The following SRL variants were observed in gnomAD, a reference collection of about 807,000 sequenced individuals.
The protein encoded by SRL is sarcalumenin.
SRL carries 23 observed loss-of-function variants against 39.5 expected under a neutral mutation model. The ratio of observed to expected loss-of-function variants is 0.58; its 90% CI spans 0.42 to 0.82. SRL has a LOEUF of 0.82. SRL is among the 40% of genes least tolerant of loss of function. The probability of loss-of-function intolerance (pLI) is 0.00; values close to 1 mark genes in which losing one functional copy is unlikely to be tolerated. For synonymous variants in SRL, 272 were observed against 237.4 expected, an observed-to-expected ratio of 1.15 and a Z score of -1.34; for missense variants, 592 against 607.8, an observed-to-expected ratio of 0.97 and a Z score of 0.27.
intron 1 of SRL, chr16:4,206,885 C>T (rs1458191626): frequency 4.4e-6 from 2 of 456,716 alleles, no homozygotes; most frequent in South Asian, 1.5e-5. Context: ...CTGTGGCTTC[C>T]GGAAGCTCTG....
intron 1 of SRL, chr16:4,206,773 CG>C (rs2052324415): frequency 4.4e-6 from 2 of 456,738 alleles, no homozygotes; most frequent in Non-Finnish European, 8.8e-6. Flanking sequence ...TGTCCCTCCT[CG>C]GGCTCCTCTG....
At position 4,191,381 on chromosome 16, in the gene SRL, G is replaced by C. The variant is rs2052062058; in HGVS notation, c.*772C>G. 6.6e-6 allele frequency: 1 copy of C among 152,370 alleles called. No individual in the cohort carries two copies. Among genetic ancestry groups the C allele is most frequent in the African/African-American group, 2.4e-5 (1 of 41,462 alleles). 9.4% of individuals were successfully genotyped at this position (152,370 alleles called of 1,614,324 possible). A position where few individuals can be genotyped will look rare whatever the true frequency, so the allele number is the denominator to read the frequency against. ...TAATCCCAGCACTTTGGGAGGCCGA[G>C]GCGGGTGGATCACTTGAGGTCAGGA... On this transcript the variant is annotated 3_prime_UTR_variant, in exon 6 of 6. Transcript: ENST00000399609.
At chr16:4,205,382 C>G (rs1353035125) in intron 1 of SRL, among the ~76,000 whole-genome samples, 1 of 152,082 alleles carries the variant, frequency 6.6e-6, no homozygotes, top group Non-Finnish European at 1.5e-5. Context: ...TTGGCTTGAA[C>G]CCCAGCCTGG....
intron 1 of SRL, among the ~76,000 whole-genome samples, chr16:4,220,498 G>T (rs574184714): frequency 6.6e-6 from 1 of 151,824 alleles, no homozygotes; most frequent in African/African-American, 2.4e-5. Context: ...AGCCTTGCTA[G>T]AGCCTCTGAT....
chr16:4,234,292 C>T (rs984377876), intron 1 of SRL, among the ~76,000 whole-genome samples: 18 of 152,184 alleles, frequency 1.2e-4, no homozygotes, highest in Admixed American at 6.5e-5. Context: ...CTGTGCCTAG[C>T]CTATTAATTA....
rs1365596850 is a variant in SRL, at chr16:4,190,133, G to A, written c.*2020C>T. The A allele has an allele frequency of 2.5e-6, 1 of 397,382 alleles. No individual in the cohort carries two copies. Among genetic ancestry groups the A allele is most frequent in the Non-Finnish European group, 4.4e-6 (1 of 225,944 alleles). 24.6% of individuals were successfully genotyped at this position (397,382 alleles called of 1,614,324 possible). On this transcript the variant is annotated 3_prime_UTR_variant, in exon 6 of 6. Transcript: ENST00000399609. Reference sequence around the variant, plus strand: ...GCCCTGGAACCTCGGGTGTTCTTGTGGAAGGGTCCAGGCCCTCCACAAAGC... The same window carrying A: ...GCCCTGGAACCTCGGGTGTTCTTGTAGAAGGGTCCAGGCCCTCCACAAAGC...
chr16:4,195,528 T>G (rs750718530), intron 5 of SRL, 25 bp downstream of exon 5: 1 of 1,610,020 alleles, frequency 6.2e-7, no homozygotes, highest in Non-Finnish European at 8.5e-7. Flanking sequence ...GAGCTTACAC[T>G]GTTCAGAAAT....
At chr16:4,227,043 G>C (rs886491277) in intron 1 of SRL, among the ~76,000 whole-genome samples, 1 of 97,280 alleles carries the variant, frequency 1.0e-5, no homozygotes, top group Non-Finnish European at 2.2e-5. Flanking sequence ...CTGATGGATG[G>C]ATGGATGAAT....
At chr16:4,194,246 G>T (rs1353815054) in intron 5 of SRL, among the ~76,000 whole-genome samples, 4 of 152,106 alleles carry the variant, frequency 2.6e-5, no homozygotes, top group East Asian at 1.9e-4. Flanking sequence ...AACCATCATG[G>T]CCATCCCTCT....
At chr16:4,201,849 T>A (rs1271453490) in intron 3 of SRL, among the ~76,000 whole-genome samples, 2 of 149,136 alleles carry the variant, frequency 1.3e-5, no homozygotes, top group African/African-American at 5.1e-5. Context: ...AGAAACGGGG[T>A]TTCACCATGT....
chr16:4,226,829 A>ATGGATGGATGGATGGAGGGG (rs1440124178), intron 1 of SRL, among the ~76,000 whole-genome samples: 79 of 149,816 alleles, frequency 5.3e-4, no homozygotes, highest in African/African-American at 1.8e-3. Context: ...GAATGGACGG[A>ATGGATGGATGGATGGAGGGG]TGGATGGATG....
chr16:4,228,705 A>C (rs2052624437), intron 1 of SRL, among the ~76,000 whole-genome samples: 1 of 152,046 alleles, frequency 6.6e-6, no homozygotes, highest in Admixed American at 6.6e-5. Flanking sequence ...ACTGCACTCC[A>C]GCCTGGGTGA....
intron 1 of SRL, chr16:4,208,179 C>A (rs2052348886): frequency 2.7e-6 from 1 of 372,374 alleles, no homozygotes; most frequent in South Asian, 2.0e-5. Flanking sequence ...CTATAATAAC[C>A]TAGCTCCCGT....
rs186526792 is a variant in SRL at position 4,220,373 on chromosome 16, G to A, written c.62-15739C>T. Among the ~76,000 whole-genome samples the A allele has an allele frequency of 4.5e-4, 68 of 151,500 alleles. No individual in the cohort carries two copies. In the East Asian group the frequency reaches 8.2e-3, roughly 18 times the overall value. On this transcript the variant is annotated intron_variant, in intron 1 of 5. Coordinates refer to ENST00000399609, the MANE Select transcript of SRL (RefSeq NM_001098814.2). ...TGAGGCACGAGAATTGCTTGAACCC[G>A]GGAGGTGGAGGCTGCAGTGAGCCGA...
intron 1 of SRL, among the ~76,000 whole-genome samples, chr16:4,239,191 G>A (rs965201453): frequency 2.6e-5 from 4 of 152,336 alleles, no homozygotes; most frequent in African/African-American, 9.6e-5. Context: ...CCAGCCAGGG[G>A]TGGGAGAGAA....
rs75408738 is a variant in SRL at position 4,225,306 on chromosome 16, G to T, written c.61+16701C>A. On this transcript the variant is annotated intron_variant, in intron 1 of 5. Coordinates refer to ENST00000399609, the MANE Select transcript of SRL (RefSeq NM_001098814.2). ...TGTTTTCAAAAATAATAAAGAGCCG[G>T]GTGTGGTGGCTCACCCCTGTAATCC... is the stretch of plus-strand genomic sequence containing the variant. Among the ~76,000 whole-genome samples the T allele has an allele frequency of 3.0e-3, 455 of 152,234 alleles. 1 individual carries two copies. The highest frequency in any genetic ancestry group is 0.01 in the African/African-American group (434 of 41,534).
intron 3 of SRL, among the ~76,000 whole-genome samples, chr16:4,202,362 A>G (rs1007477348): frequency 3.9e-5 from 6 of 152,128 alleles, no homozygotes; most frequent in Admixed American, 6.5e-5. Flanking sequence ...GGGAGGCCGA[A>G]GCGGGCAGAT....
At chr16:4,223,101 G>A (rs1410714921) in intron 1 of SRL, among the ~76,000 whole-genome samples, 5 of 151,572 alleles carry the variant, frequency 3.3e-5, no homozygotes, top group South Asian at 2.1e-4. Flanking sequence ...GCATGGTGAC[G>A]GGCGCCTGTA....
chr16:4,227,611 A>G (rs1368676160), intron 1 of SRL, among the ~76,000 whole-genome samples: 9 of 152,090 alleles, frequency 5.9e-5, no homozygotes, highest in Non-Finnish European at 2.9e-5. Context: ...GGATGGATCG[A>G]TGGTGGTGGT....
Sources: allele counts gnomAD v4.1 joint callset (sites outside exome capture counted in the v4.1 genomes callset), GRCh38; gene constraint gnomAD v4.1.1; transcripts MANE v1.5; gene names NCBI Gene and HGNC (gene_info 2026-07-23, HGNC 2026-07-21).